CPA6: variants seen among roughly 807,000 people sequenced by gnomAD.
CPA6 encodes the protein carboxypeptidase A6, also known as carboxypeptidase B.
A neutral mutation model predicts 63.3 loss-of-function variants in CPA6; 58 were observed. The observed-to-expected ratio is 0.92, with a 90% CI of 0.74 to 1.14. The LOEUF (loss-of-function observed/expected upper bound fraction) is 1.14, where lower values mean the gene tolerates loss of function less well. Among genes scored for constraint, CPA6 ranks in the 50% most tolerant of loss-of-function variants. CPA6 has a pLI of 0.00. For synonymous variants in CPA6, 185 were observed against 179.0 expected (o/e 1.03, Z -0.27); for missense variants, 565 against 526.6 (o/e 1.07, Z -0.71).
At chr8:67,499,863 T>C (rs544344038) in intron 6 of CPA6, among the ~76,000 whole-genome samples, 1 of 152,336 alleles carries the variant, frequency 6.6e-6, no homozygotes, top group East Asian at 1.9e-4. Context: ...TTCCATGGTA[T>C]GGATGTACTA....
At chr8:67,653,057 G>C (rs1815886236) in intron 1 of CPA6, among the ~76,000 whole-genome samples, 1 of 152,068 alleles carries the variant, frequency 6.6e-6, no homozygotes, top group Non-Finnish European at 1.5e-5. Context: ...TTGTAGATAT[G>C]CGGCATTATT....
intron 2 of CPA6, among the ~76,000 whole-genome samples, chr8:67,599,091 A>T (rs958141955): frequency 2.6e-5 from 4 of 152,238 alleles, no homozygotes; most frequent in African/African-American, 9.6e-5. Context: ...TCATTATGGA[A>T]TGAATGACAT....
At chr8:67,454,153 C>G (rs1451790649) in intron 8 of CPA6, among the ~76,000 whole-genome samples, 1 of 152,188 alleles carries the variant, frequency 6.6e-6, no homozygotes, top group African/African-American at 2.4e-5. Flanking sequence ...AAAATAAAAT[C>G]AGAATCCTGA....
In CPA6 at chr8:67,511,664, G is replaced by A; in HGVS notation, c.318-9C>T. On this transcript the variant is annotated splice_polypyrimidine_tract_variant and intron_variant, in intron 3 of 10. Coordinates refer to ENST00000297770, the MANE Select transcript of CPA6 (RefSeq NM_020361.5). Reference sequence around the variant, plus strand: ...GATCTTCTATGAGGACCCTGAATTTGGAATGACAGACATGATGAAAAGTAA... The same window carrying A: ...GATCTTCTATGAGGACCCTGAATTTAGAATGACAGACATGATGAAAAGTAA... The A allele has an allele frequency of 6.7e-7, 1 of 1,495,722 alleles. No homozygotes were observed. Among genetic ancestry groups the A allele is most frequent in the East Asian group, 2.3e-5 (1 of 44,328 alleles). 92.7% of individuals were successfully genotyped at this position (1,495,722 alleles called of 1,614,324 possible).
intron 1 of CPA6, among the ~76,000 whole-genome samples, chr8:67,655,478 A>T (rs567557735): frequency 6.6e-6 from 1 of 152,316 alleles, no homozygotes; most frequent in African/African-American, 2.4e-5. Context: ...CCTTCTTGAG[A>T]TTAATCCTAA....
At chr8:67,493,871 A>G (rs1811655909) in intron 6 of CPA6, among the ~76,000 whole-genome samples, 1 of 152,098 alleles carries the variant, frequency 6.6e-6, no homozygotes, top group Non-Finnish European at 1.5e-5. Flanking sequence ...AATGTCTAGG[A>G]GAACTTTCCA....
At chr8:67,614,719 C>G (rs773687012) in intron 2 of CPA6, among the ~76,000 whole-genome samples, 6 of 152,192 alleles carry the variant, frequency 3.9e-5, no homozygotes, top group Admixed American at 6.5e-5. Flanking sequence ...CCAGTACATG[C>G]CCACATACTT....
In CPA6 at chr8:67,637,323, C is replaced by CTCAAATTCTCAAATTCTCCA. The variant is rs1407772514; in HGVS notation, c.117-13073_117-13072insTGGAGAATTTGAGAATTTGA. Among the ~76,000 whole-genome samples, 5 of 151,582 alleles carry CTCAAATTCTCAAATTCTCCA rather than the reference C, an allele frequency of 3.3e-5. 1 individual carries two copies. Among genetic ancestry groups the CTCAAATTCTCAAATTCTCCA allele is most frequent in the African/African-American group, 1.2e-4 (5 of 40,894 alleles). Reference sequence around the variant, plus strand: ...GCCTGAAATGGGCTTCCATTATATGCTTTGAGAATTTCTTCTCCCATTAGC... The same window carrying CTCAAATTCTCAAATTCTCCA: ...GCCTGAAATGGGCTTCCATTATATGCTCAAATTCTCAAATTCTCCATTTGAGAATTTCTTCTCCCATTAGC... On this transcript the variant is annotated intron_variant, in intron 1 of 10. Coordinates refer to ENST00000297770, the MANE Select transcript of CPA6 (RefSeq NM_020361.5).
chr8:67,668,538 C>T (rs1440212543), intron 1 of CPA6, among the ~76,000 whole-genome samples: 1 of 152,174 alleles, frequency 6.6e-6, no homozygotes, highest in Non-Finnish European at 1.5e-5. Context: ...TCTCCAGTTA[C>T]TTATTTCAAA....
chr8:67,670,656 T>C (rs981056181), intron 1 of CPA6, among the ~76,000 whole-genome samples: 4 of 152,190 alleles, frequency 2.6e-5, no homozygotes, highest in Non-Finnish European at 4.4e-5. Context: ...AAAAACAGTT[T>C]GTCACAATTA....
chr8:67,637,224 G>A (rs969023550), intron 1 of CPA6, among the ~76,000 whole-genome samples: 1 of 151,652 alleles, frequency 6.6e-6, no homozygotes, highest in African/African-American at 2.4e-5. Context: ...TAGCTCACAT[G>A]TAATGGTTGA....
intron 2 of CPA6, among the ~76,000 whole-genome samples, chr8:67,607,240 C>T (rs535555779): frequency 8.6e-6 from 1 of 115,906 alleles, no homozygotes; most frequent in Non-Finnish European, 1.8e-5. Flanking sequence ...TCTTCTTCTT[C>T]TTCTTCTTCT....
chr8:67,617,315 T>C (rs991143174), intron 2 of CPA6, among the ~76,000 whole-genome samples: 3 of 152,214 alleles, frequency 2.0e-5, no homozygotes, highest in Admixed American at 1.3e-4. Flanking sequence ...AATATACACA[T>C]GGAGATAAAT....
intron 2 of CPA6, among the ~76,000 whole-genome samples, chr8:67,563,933 C>T (rs1362925270): frequency 1.3e-5 from 2 of 152,076 alleles, no homozygotes; most frequent in Admixed American, 6.5e-5. Flanking sequence ...TTTTGGGGTA[C>T]GTGTAGCTCA....
At chr8:67,631,112 G>A (rs1226096121) in intron 1 of CPA6, among the ~76,000 whole-genome samples, 1 of 152,206 alleles carries the variant, frequency 6.6e-6, no homozygotes, top group East Asian at 1.9e-4. Context: ...GCTGCATGGT[G>A]CAGAACTGGC....
intron 1 of CPA6, among the ~76,000 whole-genome samples, chr8:67,708,087 G>A (rs899974484): frequency 2.6e-5 from 4 of 152,142 alleles, no homozygotes; most frequent in African/African-American, 9.7e-5. Flanking sequence ...ACCTCATGAG[G>A]AGAGGAATTT....
chr8:67,558,148 C>T lies in CPA6; in HGVS notation c.193-40101G>A, dbSNP rs57942882. ...ACAGCTAAGCTCAGTTTGGCAAATT[C>T]GCCTTCACACTTGCTATGATTTTTG... On this transcript the variant is annotated intron_variant, in intron 2 of 10. Transcript: ENST00000297770. Among the ~76,000 whole-genome samples the T allele has an allele frequency of 1.0e-2, 1,518 of 152,308 alleles. 8 individuals are homozygous for T. Among genetic ancestry groups the T allele is most frequent in the South Asian group, 0.034 (163 of 4,824 alleles).
At chr8:67,600,525 A>G (rs1319629935) in intron 2 of CPA6, among the ~76,000 whole-genome samples, 1 of 152,230 alleles carries the variant, frequency 6.6e-6, no homozygotes. Context: ...TCTCACTACA[A>G]AAAATGATAA....
intron 6 of CPA6, among the ~76,000 whole-genome samples, chr8:67,496,559 T>TATA (rs1811722289): frequency 7.7e-4 from 81 of 105,212 alleles, no homozygotes; most frequent in African/African-American, 3.1e-3. Context: ...ATATATATAT[T>TATA]TATTTTATTT....
Sources: gnomAD v4.1 joint callset for allele counts (sites outside exome capture counted in the v4.1 genomes callset) on GRCh38, gnomAD v4.1.1 for gene constraint, MANE v1.5 for transcripts, NCBI Gene and HGNC (gene_info 2026-07-23, HGNC 2026-07-21) for gene names.